The following TUBB6 variants were observed in gnomAD, a reference collection of about 807,000 sequenced individuals.
TUBB6 encodes the protein tubulin beta-6 chain.
TUBB6 carries 18 observed loss-of-function variants against 32.3 expected under a neutral mutation model. The ratio of observed to expected loss-of-function variants is 0.56; its 90% CI spans 0.39 to 0.83. The LOEUF is 0.83. Ranked by LOEUF, TUBB6 falls within the 40% of genes least tolerant of loss-of-function variation. TUBB6 has a pLI of 0.00. For synonymous variants in TUBB6, 280 were observed against 265.8 expected (o/e 1.05, Z -0.52); for missense variants, 480 against 632.0 (o/e 0.76, Z 2.58).
At chr18:12,327,428 A>G (rs1907375399), downstream of TUBB6, among the ~76,000 whole-genome samples, 1 of 152,246 alleles carries the variant, frequency 6.6e-6, no homozygotes, top group African/African-American at 2.4e-5. Context: ...CCTTACATTG[A>G]CTAGCTGTAT....
upstream of TUBB6, chr18:12,307,891 C>T (rs1906069714): frequency 6.6e-6 from 1 of 152,450 alleles, no homozygotes; most frequent in African/African-American, 2.4e-5. Context: ...CTGCAATGCT[C>T]CCGGGCGCGG....
At chr18:12,329,097 T>G, downstream of TUBB6, 1 of 702,472 alleles carries the variant, frequency 1.4e-6, no homozygotes, top group Non-Finnish European at 2.6e-6. Flanking sequence ...CTTTAAAATA[T>G]TAAGTCAAAT....
chr18:12,308,207 A>C, upstream of TUBB6: 1 of 969,118 alleles, frequency 1.0e-6, no homozygotes, highest in Non-Finnish European at 1.3e-6. Context: ...GGGGGCGCGG[A>C]GGGTCGGCCC....
rs540634882 is a variant in TUBB6 at position 12,312,805 on chromosome 18, G to T, written c.277+1752G>T. Among the ~76,000 whole-genome samples, 3 of 152,094 alleles carry T rather than the reference G, an allele frequency of 2.0e-5. No homozygotes were observed. The East Asian group carries it at 5.8e-4, about 29-fold the overall frequency. ...ACCTGAGGTCGGGAGTTTGAGACCAGCCTGACCAACATGGAGAAACCCCAT... is the reference window on the plus strand; with the variant it reads ...ACCTGAGGTCGGGAGTTTGAGACCATCCTGACCAACATGGAGAAACCCCAT... On this transcript the variant is annotated intron_variant, in intron 3 of 3. Coordinates refer to ENST00000317702, the MANE Select transcript of TUBB6 (RefSeq NM_032525.3).
In TUBB6 at chr18:12,325,581, C is replaced by T. The variant is rs1317309714; in HGVS notation, c.792C>T (p.His264=). ...ACATGGTGCCCTTCCCGCGCCTGCACTTCTTCATGCCTGGCTTCGCGCCGC... is the reference window on the plus strand; with the variant it reads ...ACATGGTGCCCTTCCCGCGCCTGCATTTCTTCATGCCTGGCTTCGCGCCGC... ...AVNMVPFPRL[H]FFMPGFAPLT... Residue 264 remains histidine, a synonymous_variant, in exon 4 of 4, where the codon CAC becomes CAT. Coordinates refer to ENST00000317702, the MANE Select transcript of TUBB6 (RefSeq NM_032525.3). The T allele has an allele frequency of 2.5e-6, 4 of 1,614,012 alleles. No homozygotes were observed. Among genetic ancestry groups the T allele is most frequent in the South Asian group, 1.1e-5 (1 of 91,086 alleles).
intron 3 of TUBB6, among the ~76,000 whole-genome samples, chr18:12,315,769 G>C (rs1022618445): frequency 1.1e-4 from 17 of 152,270 alleles, no homozygotes; most frequent in African/African-American, 4.1e-4. Flanking sequence ...ACCCATTACT[G>C]CTTTTTGAGA....
upstream of TUBB6, chr18:12,308,225 C>A (rs1391876466): frequency 2.5e-6 from 3 of 1,214,130 alleles, no homozygotes; most frequent in East Asian, 1.2e-4. Context: ...CCCCGGGACG[C>A]GCGCAGCCGG....
At chr18:12,327,520 TC>T (rs1907378607), downstream of TUBB6, among the ~76,000 whole-genome samples, 1 of 152,216 alleles carries the variant, frequency 6.6e-6, no homozygotes, top group South Asian at 2.1e-4. Context: ...TGATCACAGA[TC>T]TTTTTGCAGA....
chr18:12,317,317 C>T (rs1368139584), intron 3 of TUBB6, among the ~76,000 whole-genome samples: 1 of 151,958 alleles, frequency 6.6e-6, no homozygotes, highest in African/African-American at 2.4e-5. Context: ...TTTAAATTAG[C>T]TAGGCGTGGT....
chr18:12,325,351 T>C lies in TUBB6; in HGVS notation c.562T>C (p.Ser188Pro). Residue 188 changes from serine to proline, a missense_variant, in exon 4 of 4, where the codon TCG (serine) becomes CCG (proline). By Grantham distance (74) the Ser-to-Pro change is moderately conservative. Coordinates refer to ENST00000317702, the MANE Select transcript of TUBB6 (RefSeq NM_032525.3). ...GGTGGAGCCCTACAATGCCACACTGTCGGTGCACCAGCTGGTGGAGAATAC... is the reference window on the plus strand; with the variant it reads ...GGTGGAGCCCTACAATGCCACACTGCCGGTGCACCAGCTGGTGGAGAATAC... ...TVVEPYNATL[S>P]VHQLVENTDE... 6.2e-7 allele frequency: 1 copy of C among 1,614,158 alleles called. No individual in the cohort carries two copies. The highest frequency in any genetic ancestry group is 8.5e-7 in the Non-Finnish European group (1 of 1,180,008).
At chr18:12,327,004 G>A (rs557218501), downstream of TUBB6, among the ~76,000 whole-genome samples, 10 of 152,250 alleles carry the variant, frequency 6.6e-5, no homozygotes, top group South Asian at 6.2e-4. Flanking sequence ...TTCTACCACC[G>A]GCCACACCTT....
chr18:12,321,415 T>G (rs1275834807), intron 3 of TUBB6, among the ~76,000 whole-genome samples: 1 of 152,220 alleles, frequency 6.6e-6, no homozygotes, highest in African/African-American at 2.4e-5. Context: ...TCAGTAGACC[T>G]CATTGTGAGC....
rs117971030 is a variant in TUBB6, at chr18:12,325,353, G to A, written c.564G>A (p.Ser188=). The change falls in exon 4 of 4, where the codon TCG becomes TCA. Residue 188 remains serine (S), a synonymous_variant. Coordinates refer to ENST00000317702, the MANE Select transcript of TUBB6 (RefSeq NM_032525.3). The part of the protein sequence containing the change: ...TVVEPYNATL[S]VHQLVENTDE... ...TGGAGCCCTACAATGCCACACTGTC[G>A]GTGCACCAGCTGGTGGAGAATACAG... The A allele has an allele frequency of 6.0e-4, 962 of 1,614,136 alleles. 9 individuals are homozygous for A. The East Asian group carries it at 0.016, about 27-fold the overall frequency.
rs1456921798 is a variant in TUBB6 at position 12,326,338 on chromosome 18, C to T, written c.*208C>T. 7.0e-6 allele frequency: 5 copies of T among 712,960 alleles called. No individual in the cohort carries two copies. Among genetic ancestry groups the T allele is most frequent in the Non-Finnish European group, 1.1e-5 (5 of 454,638 alleles). 44.2% of individuals were successfully genotyped at this position (712,960 alleles called of 1,614,324 possible). A position where few individuals can be genotyped will look rare whatever the true frequency, so the allele number is the denominator to read the frequency against. On this transcript the variant is annotated 3_prime_UTR_variant, in exon 4 of 4. Transcript: ENST00000317702. Reference sequence around the variant, plus strand: ...TGCGGGTTCTACCCAGTCAGAAGATCACACCATGGAGACTTTCTACTAGAG... The same window carrying T: ...TGCGGGTTCTACCCAGTCAGAAGATTACACCATGGAGACTTTCTACTAGAG...
chr18:12,323,722 G>T (rs957026999), intron 3 of TUBB6, among the ~76,000 whole-genome samples: 2 of 151,966 alleles, frequency 1.3e-5, no homozygotes, highest in Non-Finnish European at 2.9e-5. Flanking sequence ...GCAGGAGAAT[G>T]GTGTGAACCC....
At chr18:12,308,382 G>A (rs1279520418) in intron 1 of TUBB6, 33 bp downstream of exon 1, 1 of 1,350,068 alleles carries the variant, frequency 7.4e-7, no homozygotes, top group South Asian at 2.0e-5. Flanking sequence ...CCTCTCCGCG[G>A]GTCGGCTGCT....
rs374350993 is a variant in TUBB6 at position 12,308,788 on chromosome 18, G to A, written c.159G>A (p.Glu53=). Residue 53 remains glutamate (E), a synonymous_variant, in exon 2 of 4, where the codon GAG becomes GAA. Transcript: ENST00000317702. ...AGAGAATCAACGTCTACTACAATGA[G>A]TCATCGTGTGAGTAGCAAGGCCGCC... ...QLERINVYYN[E]SSSQKYVPRA... 6.2e-7 allele frequency: 1 copy of A among 1,602,494 alleles called. No individual in the cohort carries two copies. The highest frequency in any genetic ancestry group is 8.5e-7 in the Non-Finnish European group (1 of 1,169,812).
downstream of TUBB6, chr18:12,328,919 CCAGAG>C (rs1907419732): frequency 4.5e-6 from 2 of 445,424 alleles, no homozygotes; most frequent in African/African-American, 4.0e-5. Flanking sequence ...CTAAAAATAT[CCAGAG>C]CATAAATAGG....
In TUBB6 at chr18:12,308,347, A is replaced by G; in HGVS notation, c.55A>G (p.Lys19Glu). 6.8e-7 allele frequency: 1 copy of G among 1,474,984 alleles called. No individual in the cohort carries two copies. The highest frequency in any genetic ancestry group is 9.0e-7 in the Non-Finnish European group (1 of 1,108,660). 91.4% of individuals were successfully genotyped at this position (1,474,984 alleles called of 1,614,324 possible). The change falls in exon 1 of 4, where the codon AAG (lysine) becomes GAG (glutamate). Residue 19 changes from lysine (K) to glutamate (E), a missense_variant and splice_region_variant. By Grantham distance (56) the Lys-to-Glu change is moderately conservative. Coordinates refer to ENST00000317702, the MANE Select transcript of TUBB6 (RefSeq NM_032525.3). ...AGQCGNQIGT[K>E]FWEVISDEHG... ...CCAGTGCGGGAACCAGATCGGCACC[A>G]AGGTGGGCCTGGCGCGGTGCAGGGC...
Sources: allele counts gnomAD v4.1 joint callset (sites outside exome capture counted in the v4.1 genomes callset), GRCh38; gene constraint gnomAD v4.1.1; transcripts MANE v1.5; gene names NCBI Gene and HGNC (gene_info 2026-07-23, HGNC 2026-07-21).